Variants in AMDHD2 observed in about 807,000 individuals in gnomAD.
AMDHD2 encodes N-acetylglucosamine-6-phosphate deacetylase.
AMDHD2 carries 24 observed loss-of-function variants against 41.8 expected under a neutral mutation model. The observed-to-expected ratio is 0.57, with a 90% CI of 0.42 to 0.81. The LOEUF (loss-of-function observed/expected upper bound fraction) is 0.81. AMDHD2 is among the 30% of genes least tolerant of loss of function. AMDHD2 has a pLI of 0.00. For synonymous variants in AMDHD2, 332 were observed against 255.5 expected (o/e 1.30, Z -2.85); for missense variants, 540 against 588.5 (o/e 0.92, Z 0.85).
At position 2,520,917 on chromosome 16, in the gene AMDHD2, G is replaced by C. The variant is rs1229039129; in HGVS notation, c.220+12G>C. 20 of 1,599,136 alleles carry C rather than the reference G, an allele frequency of 1.3e-5. No homozygotes were observed. The highest frequency in any genetic ancestry group is 1.7e-5 in the Non-Finnish European group (20 of 1,170,346). On this transcript the variant is annotated intron_variant, in intron 2 of 10. Transcript: ENST00000293971. ...CGTGCAGATCAACGGTGCGGCCCGG[G>C]GCCGGCAGGGGAACCCAGGGGAGGA...
chr16:2,520,704 C>A, intron 1 of AMDHD2, 65 bp from the exon 2 acceptor site: 1 of 1,420,882 alleles, frequency 7.0e-7, no homozygotes, highest in Non-Finnish European at 9.2e-7. Flanking sequence ...GGGGACCGGG[C>A]GGGGTGCAGG....
At position 2,527,363 on chromosome 16, in the gene AMDHD2, T is replaced by C. The variant is rs1274643320; in HGVS notation, c.361-198T>C. Among the ~76,000 whole-genome samples, 2 of 152,134 alleles carry C rather than the reference T, an allele frequency of 1.3e-5. No homozygotes were observed. Among genetic ancestry groups the C allele is most frequent in the Non-Finnish European group, 2.9e-5 (2 of 68,026 alleles). ...GGACCGCTGGCATCCCACACACCTA[T>C]CATTTCTTCCTGCTCCTGCCATGGG... On this transcript the variant is annotated intron_variant, in intron 3 of 10. Transcript: ENST00000293971. The surrounding 1 kb of genome is among the most constrained non-coding windows in gnomAD (Gnocchi z 6.1).
rs2066063214 is a variant in AMDHD2, at chr16:2,529,971, C to T, written c.*408C>T. 2.7e-6 allele frequency: 2 copies of T among 751,738 alleles called. No homozygotes were observed. The highest frequency in any genetic ancestry group is 4.1e-6 in the Non-Finnish European group (2 of 487,406). 46.6% of individuals were successfully genotyped at this position (751,738 alleles called of 1,614,324 possible). ...CAGTGGCTGGTGCCATGGGGTGAAG[C>T]CACCATGGGCTGGGGGTGAAGAGCC... On this transcript the variant is annotated 3_prime_UTR_variant, in exon 11 of 11. Coordinates refer to ENST00000293971, the MANE Select transcript of AMDHD2 (RefSeq NM_001330449.2).
intron 3 of AMDHD2, among the ~76,000 whole-genome samples, chr16:2,521,677 T>G (rs574731214): frequency 6.6e-6 from 1 of 152,304 alleles, no homozygotes; most frequent in African/African-American, 2.4e-5. Flanking sequence ...CTTTTTGCTG[T>G]ATGTTACTAC....
chr16:2,529,974 C>G lies in AMDHD2; in HGVS notation c.*411C>G. 1.3e-6 allele frequency: 1 copy of G among 758,076 alleles called. No homozygotes were observed. Among genetic ancestry groups the G allele is most frequent in the South Asian group, 2.2e-5 (1 of 46,066 alleles). 47.0% of individuals were successfully genotyped at this position (758,076 alleles called of 1,614,324 possible). ...TGGCTGGTGCCATGGGGTGAAGCCACCATGGGCTGGGGGTGAAGAGCCGGC... is the reference window on the plus strand; with the variant it reads ...TGGCTGGTGCCATGGGGTGAAGCCAGCATGGGCTGGGGGTGAAGAGCCGGC... On this transcript the variant is annotated 3_prime_UTR_variant, in exon 11 of 11. Coordinates refer to ENST00000293971, the MANE Select transcript of AMDHD2 (RefSeq NM_001330449.2).
chr16:2,530,700 C>T lies in AMDHD2; in HGVS notation c.*1137C>T, dbSNP rs778504764. ...CCAAAGAGATAGGATGGTCTGGGCC[C>T]CACCTGTTGGAAGGGAACAGCCAGG... On this transcript the variant is annotated 3_prime_UTR_variant, in exon 11 of 11. Coordinates refer to ENST00000293971, the MANE Select transcript of AMDHD2 (RefSeq NM_001330449.2). The T allele has an allele frequency of 6.2e-7, 1 of 1,614,070 alleles. No individual in the cohort carries two copies. Among genetic ancestry groups the T allele is most frequent in the East Asian group, 2.2e-5 (1 of 44,874 alleles).
In AMDHD2 at chr16:2,529,772, A is replaced by G; in HGVS notation, c.*209A>G. ...GGTTTTGCTTGTGCTCACATGTGGC[A>G]CCATCCTTGGTTGCCCTCCTGGAGA... On this transcript the variant is annotated 3_prime_UTR_variant, in exon 11 of 11. Transcript: ENST00000293971. 1 of 1,435,272 alleles carries G rather than the reference A, an allele frequency of 7.0e-7. No individual in the cohort carries two copies. 88.9% of individuals were successfully genotyped at this position (1,435,272 alleles called of 1,614,324 possible). A position where few individuals can be genotyped will look rare whatever the true frequency, so the allele number is the denominator to read the frequency against.
intron 3 of AMDHD2, among the ~76,000 whole-genome samples, chr16:2,526,145 C>G (rs546320331): frequency 6.7e-6 from 1 of 148,484 alleles, no homozygotes; most frequent in East Asian, 1.9e-4. Flanking sequence ...GAGGCTTGCC[C>G]AGGCTGCCTG....
chr16:2,531,343 G>A lies in AMDHD2; in HGVS notation c.*1780G>A, dbSNP rs1597003224. On this transcript the variant is annotated 3_prime_UTR_variant, in exon 11 of 11. Coordinates refer to ENST00000293971, the MANE Select transcript of AMDHD2 (RefSeq NM_001330449.2). ...CTGCAGGATGATTTTGAGGTGTGGG[G>A]GAAGCACTCTTGGTTGGTTTTGGTT... 1.9e-6 allele frequency: 1 copy of A among 522,322 alleles called. No individual in the cohort carries two copies. The highest frequency in any genetic ancestry group is 3.4e-5 in the Admixed American group (1 of 29,116). The allele number at this position is 522,322 out of a possible 1,614,324, so 32.4% of individuals were successfully genotyped here.
chr16:2,529,263 C>G (rs780934317), intron 10 of AMDHD2, 168 bp downstream of exon 10: 4 of 1,052,860 alleles, frequency 3.8e-6, no homozygotes, highest in Non-Finnish European at 5.4e-6. Flanking sequence ...GCCATCAGGC[C>G]GGGCTTTCTG....
intron 3 of AMDHD2, among the ~76,000 whole-genome samples, chr16:2,523,414 G>A (rs1487151619): frequency 6.6e-6 from 1 of 152,116 alleles, no homozygotes. Flanking sequence ...CAGGCTTCCT[G>A]GATTTGGCAT....
chr16:2,529,439 C>T (rs1402672915), intron 10 of AMDHD2, 36 bp from the exon 11 acceptor site: 3 of 1,605,238 alleles, frequency 1.9e-6, no homozygotes, highest in African/African-American at 1.3e-5. Context: ...GGCGGCCCCA[C>T]TCCTGCCCCC....
At position 2,520,509 on chromosome 16, in the gene AMDHD2, C is replaced by T. The variant is rs2065917657; in HGVS notation, c.51C>T (p.Asn17=). 1.6e-6 allele frequency: 2 copies of T among 1,228,126 alleles called. No individual in the cohort carries two copies. Among genetic ancestry groups the T allele is most frequent in the Non-Finnish European group, 2.0e-6 (2 of 978,224 alleles). 76.1% of individuals were successfully genotyped at this position (1,228,126 alleles called of 1,614,324 possible). The change falls in exon 1 of 11, where the codon AAC becomes AAT. Residue 17 remains asparagine (N), a synonymous_variant. Coordinates refer to ENST00000293971, the MANE Select transcript of AMDHD2 (RefSeq NM_001330449.2). ...AAGARVLQFT[N]CRILRGGKLL... ...GGGCCCGCGTGCTCCAGTTCACTAA[C>T]TGCCGGATCCTGCGCGGAGGGAAAC...
Position 2,520,890 on chromosome 16 carries a change from G to C in AMDHD2, c.205G>C (p.Asp69His). Reference protein sequence around the residue: ...GGRILAPGFIDVQINGGFGVD... With the variant: ...GGRILAPGFIHVQINGGFGVD... The stretch of plus-strand genomic sequence containing the variant: ...CCGCATCTTGGCTCCCGGATTCATC[G>C]ACGTGCAGATCAACGGTGCGGCCCG... The change falls in exon 2 of 11, where the codon GAC becomes CAC. Residue 69 changes from aspartate to histidine, a missense_variant. Physicochemically the swap from Asp to His is moderately conservative, Grantham distance 81. Coordinates refer to ENST00000293971, the MANE Select transcript of AMDHD2 (RefSeq NM_001330449.2). 6.2e-7 allele frequency: 1 copy of C among 1,609,994 alleles called. No homozygotes were observed. The highest frequency in any genetic ancestry group is 8.5e-7 in the Non-Finnish European group (1 of 1,177,800).
rs747881249 is a variant in AMDHD2 at position 2,529,599 on chromosome 16, G to A, written c.*36G>A. On this transcript the variant is annotated 3_prime_UTR_variant, in exon 11 of 11. Transcript: ENST00000293971. ...GGCTGAGAGGACACCTGGCCGCAGC[G>A]GGATGCCATCAGGGCCGGGTGGTTG... is the stretch of plus-strand genomic sequence containing the variant. 26 of 1,602,940 alleles carry A rather than the reference G, an allele frequency of 1.6e-5. No individual in the cohort carries two copies. The highest frequency in any genetic ancestry group is 6.7e-5 in the African/African-American group (5 of 74,928).
In AMDHD2 at chr16:2,527,900, C is replaced by G. The variant is rs2066025484; in HGVS notation, c.543C>G (p.Val181=). The change falls in exon 5 of 11, where the codon GTC becomes GTG. Residue 181 remains valine (V), a synonymous_variant. Coordinates refer to ENST00000293971, the MANE Select transcript of AMDHD2 (RefSeq NM_001330449.2). The surrounding 1 kb of genome is among the most constrained non-coding windows in gnomAD (Gnocchi z 6.1). ...LLATYGPLDN[V]RIVTLAPELG... ...CCACCTACGGGCCCCTGGACAATGTCCGCATCGTGACGCTGGCCCCAGAGT... is the reference window on the plus strand; with the variant it reads ...CCACCTACGGGCCCCTGGACAATGTGCGCATCGTGACGCTGGCCCCAGAGT... 2 of 1,595,960 alleles carry G rather than the reference C, an allele frequency of 1.3e-6. No individual in the cohort carries two copies. The highest frequency in any genetic ancestry group is 1.3e-5 in the African/African-American group (1 of 74,864).
chr16:2,520,631 C>T (rs1341868316), intron 1 of AMDHD2, 90 bp downstream of exon 1: 2 of 763,760 alleles, frequency 2.6e-6, no homozygotes, highest in African/African-American at 3.5e-5. Context: ...GGTGCGGGGC[C>T]GGGGACAGGG....
rs754197670 is a variant in AMDHD2 at position 2,530,239 on chromosome 16, C to A, written c.*676C>A. On this transcript the variant is annotated 3_prime_UTR_variant, in exon 11 of 11. Transcript: ENST00000293971. ...TGTTTTCTCTTCTCAATAACCCTATCTCTTCACACATCCCCAGGCCCAGTG... is the reference window on the plus strand; with the variant it reads ...TGTTTTCTCTTCTCAATAACCCTATATCTTCACACATCCCCAGGCCCAGTG... 3 of 1,595,256 alleles carry A rather than the reference C, an allele frequency of 1.9e-6. No individual in the cohort carries two copies. Among genetic ancestry groups the A allele is most frequent in the Non-Finnish European group, 2.6e-6 (3 of 1,171,102 alleles).
Position 2,529,701 on chromosome 16 carries a change from G to C in AMDHD2, c.*138G>C. ...GGGCCTGTGCGGCCGCCCTGGAGGC[G>C]GTGGCTGGGATAAACGTGCACCCAG... On this transcript the variant is annotated 3_prime_UTR_variant, in exon 11 of 11. Transcript: ENST00000293971. The C allele has an allele frequency of 6.7e-7, 1 of 1,487,116 alleles. No individual in the cohort carries two copies. Among genetic ancestry groups the C allele is most frequent in the Non-Finnish European group, 8.9e-7 (1 of 1,119,308 alleles). 92.1% of individuals were successfully genotyped at this position (1,487,116 alleles called of 1,614,324 possible). A position where few individuals can be genotyped will look rare whatever the true frequency, so the allele number is the denominator to read the frequency against.
Sources: allele counts gnomAD v4.1 joint callset (sites outside exome capture counted in the v4.1 genomes callset), GRCh38; gene constraint gnomAD v4.1.1; non-coding constraint Gnocchi (gnomAD v3.1); transcripts MANE v1.5; gene names NCBI Gene and HGNC (gene_info 2026-07-23, HGNC 2026-07-21).